Variants in MAML2 observed in about 807,000 individuals in gnomAD.
The protein encoded by MAML2 is mastermind like transcriptional coactivator 2.
In MAML2, 22 loss-of-function variants were observed where a neutral mutation model predicts 96.1. The ratio of observed to expected loss-of-function variants is 0.23; its 90% CI spans 0.16 to 0.33. The LOEUF is 0.33. Ranked by LOEUF, MAML2 falls within the 10% of genes least tolerant of loss-of-function variation. The pLI is 1.00. For missense variants in MAML2, 1,367 were observed against 1,392.4 expected, an observed-to-expected ratio of 0.98 and a Z score of 0.29; for synonymous variants, 561 against 521.3, an observed-to-expected ratio of 1.08 and a Z score of -1.04.
intron 2 of MAML2, among the ~76,000 whole-genome samples, chr11:96,069,281 CTCTT>C (rs967465954): frequency 2.0e-5 from 3 of 146,420 alleles, no homozygotes; most frequent in African/African-American, 7.5e-5. Flanking sequence ...TCTTTCTTTT[CTCTT>C]TCTTTGTCTT....
chr11:96,205,217 T>A (rs1861879304), intron 1 of MAML2, among the ~76,000 whole-genome samples: 1 of 152,274 alleles, frequency 6.6e-6, no homozygotes, highest in Admixed American at 6.5e-5. Flanking sequence ...ATTCCTTGTT[T>A]TGTTAGTAAC....
chr11:96,297,968 T>C (rs1321284274), intron 1 of MAML2, among the ~76,000 whole-genome samples: 1 of 152,108 alleles, frequency 6.6e-6, no homozygotes, highest in Non-Finnish European at 1.5e-5. Flanking sequence ...TTTATTAGAG[T>C]TGAATAGTTG....
chr11:96,187,584 G>T lies in MAML2; in HGVS notation c.514-94067C>A, dbSNP rs561057745. On this transcript the variant is annotated intron_variant, in intron 1 of 4. Coordinates refer to ENST00000524717, the MANE Select transcript of MAML2 (RefSeq NM_032427.4). ...AGCACTTTGGGAGGCCGAGGGTGGT[G>T]GATCACAAGGTCAGAAGATGGAGAC... is the stretch of plus-strand genomic sequence containing the variant. 5.3e-5 allele frequency among the ~76,000 whole-genome samples: 8 copies of T among 152,198 alleles called. No homozygotes were observed. In the South Asian group the frequency reaches 1.5e-3, roughly 28 times the overall value.
chr11:96,339,141 T>C (rs1463602233), intron 1 of MAML2, among the ~76,000 whole-genome samples: 2 of 152,204 alleles, frequency 1.3e-5, no homozygotes, highest in Non-Finnish European at 2.9e-5. Context: ...ACTGTGCCTC[T>C]CTGCATCATC....
chr11:96,086,493 G>A (rs1859616737), intron 2 of MAML2, among the ~76,000 whole-genome samples: 1 of 151,910 alleles, frequency 6.6e-6, no homozygotes, highest in Non-Finnish European at 1.5e-5. Flanking sequence ...TCTGGGAACA[G>A]AGGTACCAAG....
chr11:96,086,184 A>C (rs1482930423), intron 2 of MAML2, among the ~76,000 whole-genome samples: 2 of 152,188 alleles, frequency 1.3e-5, no homozygotes, highest in Non-Finnish European at 2.9e-5. Context: ...GATCTTTGAG[A>C]TTATATGAGT....
intron 2 of MAML2, among the ~76,000 whole-genome samples, chr11:96,023,712 A>C (rs544368865): frequency 6.6e-6 from 1 of 152,306 alleles, no homozygotes; most frequent in African/African-American, 2.4e-5. Flanking sequence ...TTTCCACCTA[A>C]TGGCTTTTCC....
chr11:96,149,403 T>G (rs1860881512), intron 1 of MAML2, among the ~76,000 whole-genome samples: 1 of 95,888 alleles, frequency 1.0e-5, no homozygotes, highest in Non-Finnish European at 2.0e-5. Context: ...GGTGACAGAG[T>G]GAGACTCCGT....
chr11:96,291,235 C>T (rs931369924), intron 1 of MAML2, among the ~76,000 whole-genome samples: 1 of 147,224 alleles, frequency 6.8e-6, no homozygotes, highest in Admixed American at 7.1e-5. Context: ...AAGCAATTCT[C>T]CTGCCTCAGC....
intron 1 of MAML2, among the ~76,000 whole-genome samples, chr11:96,101,978 C>T (rs1859939175): frequency 6.6e-6 from 1 of 152,146 alleles, no homozygotes; most frequent in African/African-American, 2.4e-5. Flanking sequence ...GAACATTGCT[C>T]TTAAAATACT....
rs1857669838 is a variant in MAML2, at chr11:95,977,764, G to A, written c.*1184C>T. ...ATGATTCATCACATCAGGGACAAAA[G>A]AACAAACAGAATGCTCCTAACAGAC... On this transcript the variant is annotated 3_prime_UTR_variant, in exon 5 of 5. Transcript: ENST00000524717. The A allele has an allele frequency of 4.5e-6, 1 of 224,354 alleles. No individual in the cohort carries two copies. Among genetic ancestry groups the A allele is most frequent in the East Asian group, 6.4e-5 (1 of 15,536 alleles). 13.9% of individuals were successfully genotyped at this position (224,354 alleles called of 1,614,324 possible).
intron 1 of MAML2, among the ~76,000 whole-genome samples, chr11:96,148,072 A>G (rs1860848789): frequency 6.6e-6 from 1 of 152,204 alleles, no homozygotes; most frequent in Non-Finnish European, 1.5e-5. Context: ...TGGTGCATTC[A>G]TCTCTCCTGC....
At chr11:96,221,527 G>A (rs1035658800) in intron 1 of MAML2, among the ~76,000 whole-genome samples, 2 of 152,088 alleles carry the variant, frequency 1.3e-5, no homozygotes, top group South Asian at 4.1e-4. Flanking sequence ...TTACTCTGGG[G>A]AAAGCAGGAA....
intron 1 of MAML2, among the ~76,000 whole-genome samples, chr11:96,307,759 A>G (rs1042694324): frequency 3.3e-5 from 5 of 152,144 alleles, no homozygotes; most frequent in Non-Finnish European, 5.9e-5. Flanking sequence ...TAACATCCTT[A>G]GGGGTGCCAG....
chr11:96,326,554 T>TG (rs570947860), intron 1 of MAML2, among the ~76,000 whole-genome samples: 75 of 152,116 alleles, frequency 4.9e-4, no homozygotes, highest in African/African-American at 1.6e-3. Flanking sequence ...CCCAGCACTT[T>TG]GGGGGGCCGA....
intron 1 of MAML2, among the ~76,000 whole-genome samples, chr11:96,200,777 A>T (rs1202952215): frequency 6.6e-6 from 1 of 152,126 alleles, no homozygotes; most frequent in Non-Finnish European, 1.5e-5. Flanking sequence ...AGCTTTAAGG[A>T]TCTGACTAAA....
intron 1 of MAML2, among the ~76,000 whole-genome samples, chr11:96,125,802 A>G (rs1056834371): frequency 6.6e-6 from 1 of 152,174 alleles, no homozygotes; most frequent in Non-Finnish European, 1.5e-5. Context: ...TTTGTACAGC[A>G]TTAGACCCAG....
intron 2 of MAML2, among the ~76,000 whole-genome samples, chr11:96,050,057 T>G (rs1858966538): frequency 6.6e-6 from 1 of 152,172 alleles, no homozygotes; most frequent in African/African-American, 2.4e-5. Flanking sequence ...ACTTTTTACC[T>G]CTCTGATCTC....
intron 1 of MAML2, among the ~76,000 whole-genome samples, chr11:96,214,089 A>G (rs1212657003): frequency 6.6e-6 from 1 of 152,204 alleles, no homozygotes; most frequent in Non-Finnish European, 1.5e-5. Context: ...ACACAAATAT[A>G]CATATACATA....
Sources: gnomAD v4.1 joint callset for allele counts (sites outside exome capture counted in the v4.1 genomes callset) on GRCh38, gnomAD v4.1.1 for gene constraint, MANE v1.5 for transcripts, NCBI Gene and HGNC (gene_info 2026-07-23, HGNC 2026-07-21) for gene names.